The following PRDM5 variants were observed in gnomAD, a reference collection of about 807,000 sequenced individuals.
PRDM5 encodes the protein PR domain zinc finger protein 5.
Under a neutral mutation model 81.2 loss-of-function variants are expected in PRDM5, and 56 were observed. That is an observed-to-expected ratio of 0.69 (90% CI 0.56 to 0.86). The LOEUF (loss-of-function observed/expected upper bound fraction) is 0.86, where lower values mean the gene tolerates loss of function less well. PRDM5 is among the 40% of genes least tolerant of loss of function. The pLI is 0.00. For missense variants in PRDM5, 697 were observed against 770.1 expected (o/e 0.91, Z 1.12); for synonymous variants, 267 against 256.4 (o/e 1.04, Z -0.39).
Position 120,878,993 on chromosome 4 carries a change from C to T in PRDM5, c.178-25453G>A, listed in dbSNP as rs533364943. 2.0e-5 allele frequency among the ~76,000 whole-genome samples: 3 copies of T among 152,270 alleles called. No individual in the cohort carries two copies. In the South Asian group the frequency reaches 6.2e-4, roughly 32 times the overall value. ...GACACTTTGACAGTTTCTAACAAAA[C>T]TAAACATACTCTTACCATGTGATCC... On this transcript the variant is annotated intron_variant, in intron 2 of 15. Coordinates refer to ENST00000264808, the MANE Select transcript of PRDM5 (RefSeq NM_018699.4).
intron 14 of PRDM5, among the ~76,000 whole-genome samples, chr4:120,743,154 C>A (rs1365155860): frequency 6.6e-6 from 1 of 151,764 alleles, no homozygotes; most frequent in African/African-American, 2.4e-5. Flanking sequence ...AATTTTCAAC[C>A]CAGAATTTCA....
chr4:120,717,598 G>A (rs1169389255), intron 14 of PRDM5, among the ~76,000 whole-genome samples: 2 of 152,194 alleles, frequency 1.3e-5, no homozygotes, highest in Non-Finnish European at 2.9e-5. Context: ...TGAACATGAA[G>A]TCTTTAGAAA....
chr4:120,763,460 T>G (rs1410836912), intron 13 of PRDM5, among the ~76,000 whole-genome samples: 1 of 152,050 alleles, frequency 6.6e-6, no homozygotes, highest in African/African-American at 2.4e-5. Context: ...TAAAGGGTCT[T>G]GATGTGAGTG....
chr4:120,780,327 T>C (rs1364833766), intron 12 of PRDM5, among the ~76,000 whole-genome samples: 1 of 151,926 alleles, frequency 6.6e-6, no homozygotes, highest in African/African-American at 2.4e-5. Flanking sequence ...ATGACTAGTC[T>C]CAGCTACTCG....
chr4:120,765,907 T>C (rs1031837159), intron 13 of PRDM5, among the ~76,000 whole-genome samples: 1 of 152,182 alleles, frequency 6.6e-6, no homozygotes, highest in African/African-American at 2.4e-5. Flanking sequence ...AAGTTATTTA[T>C]ATCTTCATTT....
intron 13 of PRDM5, among the ~76,000 whole-genome samples, chr4:120,757,056 C>T (rs1201437181): frequency 3.9e-5 from 6 of 152,064 alleles, no homozygotes; most frequent in Admixed American, 3.9e-4. Context: ...TATGTTAATC[C>T]TAATATAATA....
At chr4:120,882,279 A>C (rs2597548) in intron 2 of PRDM5, among the ~76,000 whole-genome samples, 37,186 of 152,004 alleles carry the variant, frequency 0.24, 5,139 homozygotes, top group African/African-American at 0.36. Context: ...TCCCGAGTAG[A>C]TGGGATTACA....
At chr4:120,701,337 T>C (rs1044039359) in intron 15 of PRDM5, among the ~76,000 whole-genome samples, 6 of 152,026 alleles carry the variant, frequency 3.9e-5, no homozygotes, top group Non-Finnish European at 8.8e-5. Context: ...TGGGTATATA[T>C]GCAAAAGAAA....
At chr4:120,808,750 C>T (rs1422028308) in intron 8 of PRDM5, among the ~76,000 whole-genome samples, 1 of 152,186 alleles carries the variant, frequency 6.6e-6, no homozygotes, top group African/African-American at 2.4e-5. Flanking sequence ...CCCGTGCCCT[C>T]CCCTACAGGG....
At chr4:120,776,985 T>C (rs531723085) in intron 13 of PRDM5, among the ~76,000 whole-genome samples, 1 of 152,200 alleles carries the variant, frequency 6.6e-6, no homozygotes, top group Non-Finnish European at 1.5e-5. Flanking sequence ...CCACTTTAGA[T>C]GTTTTACTTA....
rs527862684 is a variant in PRDM5 at position 120,694,574 on chromosome 4, A to C, written c.*537T>G. 6 of 156,034 alleles carry C rather than the reference A, an allele frequency of 3.8e-5. No homozygotes were observed. The highest frequency in any genetic ancestry group is 3.7e-4 in the Admixed American group (6 of 16,100). The allele number at this position is 156,034 out of a possible 1,614,324, so 9.7% of individuals were successfully genotyped here. A position where few individuals can be genotyped will look rare whatever the true frequency, so the allele number is the denominator to read the frequency against. ...CTCTTGGTTTGTCTTATAAAATAGC[A>C]ACTATTTATTTTCCTATCAAACTTG... On this transcript the variant is annotated 3_prime_UTR_variant, in exon 16 of 16. Transcript: ENST00000264808.
intron 10 of PRDM5, among the ~76,000 whole-genome samples, chr4:120,791,628 CT>C (rs1292426396): frequency 1.3e-5 from 2 of 152,196 alleles, no homozygotes; most frequent in African/African-American, 4.8e-5. Context: ...CTCATTCTCT[CT>C]TTTCCATTCC....
intron 3 of PRDM5, chr4:120,839,246 C>A: frequency 4.3e-6 from 3 of 703,090 alleles, no homozygotes; most frequent in Non-Finnish European, 7.8e-6. Flanking sequence ...CTTTTAGCCT[C>A]GCCATTCGGC....
chr4:120,886,668 A>AT lies in PRDM5; in HGVS notation c.177+20805dup, dbSNP rs1219225600. Among the ~76,000 whole-genome samples the AT allele has an allele frequency of 3.9e-5, 6 of 152,320 alleles. 1 individual carries two copies. The Middle Eastern group carries it at 0.017, about 435-fold the overall frequency. On this transcript the variant is annotated intron_variant, in intron 2 of 15. Transcript: ENST00000264808. ...AGCTATACATTTATGCAATGTATTT[A>AT]TTCAATATGAATGATTTGTTGAATA...
At chr4:120,913,182 A>G (rs1766716504) in intron 1 of PRDM5, among the ~76,000 whole-genome samples, 1 of 152,234 alleles carries the variant, frequency 6.6e-6, no homozygotes, top group South Asian at 2.1e-4. Context: ...AAATCATTGT[A>G]TGGAACTATC....
At chr4:120,904,529 G>A (rs1579191737) in intron 2 of PRDM5, among the ~76,000 whole-genome samples, 1 of 152,122 alleles carries the variant, frequency 6.6e-6, no homozygotes, top group Non-Finnish European at 1.5e-5. Context: ...AATGGCAATC[G>A]TGTGAGTGTA....
chr4:120,835,892 A>G (rs1442770810), intron 3 of PRDM5, among the ~76,000 whole-genome samples: 1 of 152,168 alleles, frequency 6.6e-6, no homozygotes, highest in Non-Finnish European at 1.5e-5. Flanking sequence ...AGATGGAGGT[A>G]GCTGTCCACA....
chr4:120,893,135 AGAAG>A (rs1266680700), intron 2 of PRDM5, among the ~76,000 whole-genome samples: 1 of 152,222 alleles, frequency 6.6e-6, no homozygotes, highest in Non-Finnish European at 1.5e-5. Flanking sequence ...GCCTCAGTCC[AGAAG>A]GAAGATGGCA....
chr4:120,902,062 G>A (rs1163003948), intron 2 of PRDM5, among the ~76,000 whole-genome samples: 6 of 152,184 alleles, frequency 3.9e-5, no homozygotes, highest in African/African-American at 1.4e-4. Context: ...AACTTATCAG[G>A]GCAGTTTCTA....
Sources: allele counts gnomAD v4.1 joint callset (sites outside exome capture counted in the v4.1 genomes callset), GRCh38; gene constraint gnomAD v4.1.1; transcripts MANE v1.5; gene names NCBI Gene and HGNC (gene_info 2026-07-23, HGNC 2026-07-21).